Variants in JPH3 observed in about 807,000 individuals in gnomAD.
JPH3 encodes the protein junctophilin 3.
JPH3 carries 11 observed loss-of-function variants against 59.6 expected under a neutral mutation model. The observed-to-expected ratio is 0.18, with a 90% CI of 0.12 to 0.31. JPH3 has a LOEUF of 0.31. Among genes scored for constraint, JPH3 ranks in the 10% least tolerant of loss-of-function variants. The probability of loss-of-function intolerance (pLI) is 1.00; values close to 1 mark genes in which losing one functional copy is unlikely to be tolerated. For missense variants in JPH3, 1,202 were observed against 1,105.7 expected (o/e 1.09, Z -1.24); for synonymous variants, 673 against 483.6 (o/e 1.39, Z -5.14).
chr16:87,625,608 G>A (rs751976241), intron 1 of JPH3, among the ~76,000 whole-genome samples: 10 of 152,192 alleles, frequency 6.6e-5, no homozygotes, highest in Non-Finnish European at 1.0e-4. Flanking sequence ...GTTGCCCTAT[G>A]TCTCACAGCG....
At chr16:87,669,624 G>A (rs1352280866) in intron 2 of JPH3, among the ~76,000 whole-genome samples, 1 of 152,208 alleles carries the variant, frequency 6.6e-6, no homozygotes, top group Non-Finnish European at 1.5e-5. Context: ...CCCATGGTGA[G>A]TTTCCACAGC....
At chr16:87,643,663 G>C (rs892967431) in intron 1 of JPH3, among the ~76,000 whole-genome samples, 3 of 152,176 alleles carry the variant, frequency 2.0e-5, no homozygotes, top group African/African-American at 7.2e-5. Flanking sequence ...TCTGGGTTCT[G>C]TGGTCCTCAC....
chr16:87,671,632 C>T (rs4332754), intron 2 of JPH3, among the ~76,000 whole-genome samples: 1 of 65,126 alleles, frequency 1.5e-5, no homozygotes, highest in Admixed American at 1.8e-4. Context: ...GAGCTCCCAG[C>T]TCTGGGGTCC....
intron 1 of JPH3, among the ~76,000 whole-genome samples, chr16:87,632,545 C>G (rs1037191074): frequency 1.3e-5 from 2 of 152,200 alleles, no homozygotes; most frequent in Admixed American, 1.3e-4. Flanking sequence ...GCTCCAGCCC[C>G]TCCTGGGCTG....
intron 1 of JPH3, among the ~76,000 whole-genome samples, chr16:87,631,578 C>T (rs180846809): frequency 6.6e-6 from 1 of 152,160 alleles, no homozygotes; most frequent in African/African-American, 2.4e-5. Context: ...TTGGGTGTCT[C>T]TCCCCTCATT....
At chr16:87,682,066 C>T (rs1415405472) in intron 2 of JPH3, among the ~76,000 whole-genome samples, 1 of 152,128 alleles carries the variant, frequency 6.6e-6, no homozygotes, top group Non-Finnish European at 1.5e-5. Context: ...ATCGGAGCCC[C>T]CACAAGACAG....
chr16:87,604,919 C>G (rs1302395094), intron 1 of JPH3: 1 of 447,090 alleles, frequency 2.2e-6, no homozygotes, highest in African/African-American at 2.0e-5. Context: ...CTTCCCTGAC[C>G]CTGGGGCGCT....
Position 87,603,224 on chromosome 16 carries a change from C to T in JPH3, c.78C>T (p.Gly26=). ...CGGWEDGKAH[G]HGVCTGPKGQ... ...GCTGGGAGGACGGCAAGGCGCACGGCCATGGCGTCTGCACCGGCCCCAAGG... is the reference window on the plus strand; with the variant it reads ...GCTGGGAGGACGGCAAGGCGCACGGTCATGGCGTCTGCACCGGCCCCAAGG... The change falls in exon 1 of 5, where the codon GGC becomes GGT. Residue 26 remains glycine, a synonymous_variant. Coordinates refer to ENST00000284262, the MANE Select transcript of JPH3 (RefSeq NM_020655.4). The T allele has an allele frequency of 6.2e-7, 1 of 1,613,888 alleles. No individual in the cohort carries two copies. The highest frequency in any genetic ancestry group is 8.5e-7 in the Non-Finnish European group (1 of 1,179,936).
intron 2 of JPH3, among the ~76,000 whole-genome samples, chr16:87,647,542 G>A (rs575653797): frequency 2.0e-5 from 3 of 152,296 alleles, no homozygotes; most frequent in South Asian, 4.1e-4. Context: ...CTGCACTGGC[G>A]GAGTCCGAGC....
chr16:87,684,397 C>G, intron 3 of JPH3, 131 bp downstream of exon 3: 1 of 1,389,616 alleles, frequency 7.2e-7, no homozygotes, highest in South Asian at 1.4e-5. Flanking sequence ...CTCCCCTGCC[C>G]GGTGTCTTCC....
intron 2 of JPH3, among the ~76,000 whole-genome samples, chr16:87,670,514 C>T (rs1362943614): frequency 3.3e-5 from 5 of 152,350 alleles, no homozygotes. Context: ...AGCGGCCTGT[C>T]CCTCTCCCCA....
rs1218052082 is a variant in JPH3 at position 87,697,960 on chromosome 16, CCT to C, written c.*1301_*1302del. Reference sequence around the variant, plus strand: ...TCCGGGCACGGCCATACGCAGGACCCCTGTGCCCGGGGAGGCGCTGCAGGGAT... The same window carrying C: ...TCCGGGCACGGCCATACGCAGGACCCGTGCCCGGGGAGGCGCTGCAGGGAT... On this transcript the variant is annotated 3_prime_UTR_variant, in exon 5 of 5. Transcript: ENST00000284262. 1.3e-5 allele frequency: 2 copies of C among 152,562 alleles called. No individual in the cohort carries two copies. The highest frequency in any genetic ancestry group is 2.9e-5 in the Non-Finnish European group (2 of 68,066). 9.5% of individuals were successfully genotyped at this position (152,562 alleles called of 1,614,324 possible).
rs199695995 is a variant in JPH3, at chr16:87,689,905, C to T, written c.1545C>T (p.Ile515=). 1,017 of 1,464,602 alleles carry T rather than the reference C, an allele frequency of 6.9e-4. 4 individuals are homozygous for T. In the African/African-American group the frequency reaches 0.013, roughly 18 times the overall value. 90.7% of individuals were successfully genotyped at this position (1,464,602 alleles called of 1,614,324 possible). A position where few individuals can be genotyped will look rare whatever the true frequency, so the allele number is the denominator to read the frequency against. ...VSVDEERGGD[I]QMLLEGRAGD... is the part of the protein sequence containing the mutation. ...TGGACGAGGAGCGGGGCGGGGACAT[C>T]CAGATGCTCCTGGAGGGCCGGGCCG... Residue 515 remains isoleucine, a synonymous_variant, in exon 4 of 5, where the codon ATC becomes ATT. Coordinates refer to ENST00000284262, the MANE Select transcript of JPH3 (RefSeq NM_020655.4).
rs1375076066 is a variant in JPH3 at position 87,687,190 on chromosome 16, AAGCTGTCC to A, written c.1286-2453_1286-2446del. On this transcript the variant is annotated intron_variant, in intron 3 of 4. Coordinates refer to ENST00000284262, the MANE Select transcript of JPH3 (RefSeq NM_020655.4). Reference sequence around the variant, plus strand: ...TGCTGGGGAGGGGTGGGGCTGGGGGAAGCTGTCCAGGTCCTTCCTCAGTCGTCCTCACA... The same window carrying A: ...TGCTGGGGAGGGGTGGGGCTGGGGGAAGGTCCTTCCTCAGTCGTCCTCACA... 7.9e-5 allele frequency among the ~76,000 whole-genome samples: 12 copies of A among 151,884 alleles called. No individual in the cohort carries two copies. The East Asian group carries it at 2.3e-3, about 29-fold the overall frequency.
At chr16:87,634,356 T>TA (rs1357696761) in intron 1 of JPH3, among the ~76,000 whole-genome samples, 1 of 151,870 alleles carries the variant, frequency 6.6e-6, no homozygotes, top group African/African-American at 2.4e-5. Context: ...AAGTGGAAGA[T>TA]GGGTGCTGGT....
At chr16:87,677,561 G>A (rs2033183580) in intron 2 of JPH3, among the ~76,000 whole-genome samples, 1 of 152,204 alleles carries the variant, frequency 6.6e-6, no homozygotes. Flanking sequence ...CCCCTGCACA[G>A]GTGAGGAAAC....
intron 2 of JPH3, among the ~76,000 whole-genome samples, chr16:87,680,612 C>T (rs2150872441): frequency 6.6e-6 from 1 of 151,964 alleles, no homozygotes; most frequent in East Asian, 2.0e-4. Context: ...GTGGGGGGCC[C>T]CAGGTGAGCT....
At chr16:87,668,930 G>A (rs975676824) in intron 2 of JPH3, among the ~76,000 whole-genome samples, 24 of 151,866 alleles carry the variant, frequency 1.6e-4, no homozygotes, top group African/African-American at 4.6e-4. Context: ...CCTCTCCCTC[G>A]CCTCCACGTG....
At chr16:87,624,207 C>T (rs1398867452) in intron 1 of JPH3, among the ~76,000 whole-genome samples, 1 of 152,238 alleles carries the variant, frequency 6.6e-6, no homozygotes, top group Admixed American at 6.5e-5. Flanking sequence ...TTAAACTGTA[C>T]AGTCCAGTGG....
Sources: gnomAD v4.1 joint callset for allele counts (sites outside exome capture counted in the v4.1 genomes callset) on GRCh38, gnomAD v4.1.1 for gene constraint, MANE v1.5 for transcripts, NCBI Gene and HGNC (gene_info 2026-07-23, HGNC 2026-07-21) for gene names.